PCCA: variants seen among roughly 807,000 people sequenced by gnomAD.
The protein encoded by PCCA is propionyl-CoA carboxylase alpha chain, mitochondrial.
PCCA carries 74 observed loss-of-function variants against 101.3 expected under a neutral mutation model. The ratio of observed to expected loss-of-function variants is 0.73; its 90% CI spans 0.61 to 0.89. The LOEUF is 0.89. Among genes scored for constraint, PCCA ranks in the 40% least tolerant of loss-of-function variants. PCCA has a pLI of 0.00. For synonymous variants in PCCA, 294 were observed against 313.6 expected (o/e 0.94, Z 0.66); for missense variants, 891 against 907.0 (o/e 0.98, Z 0.23).
At chr13:100,426,943 C>T (rs543959114) in intron 20 of PCCA, among the ~76,000 whole-genome samples, 5 of 152,260 alleles carry the variant, frequency 3.3e-5, no homozygotes, top group South Asian at 2.1e-4. Flanking sequence ...TGTCTGGGCA[C>T]GGTGGCTCAC....
intron 4 of PCCA, chr13:100,149,254 T>C (rs768440253): frequency 9.2e-5 from 14 of 152,032 alleles, no homozygotes; most frequent in Non-Finnish European, 1.6e-4. Context: ...TTCTTTCTTT[T>C]TTTTTTTGAG....
chr13:100,233,891 A>G (rs1301579829), intron 7 of PCCA, among the ~76,000 whole-genome samples: 1 of 152,234 alleles, frequency 6.6e-6, no homozygotes, highest in East Asian at 1.9e-4. Context: ...TTGCTGTGTC[A>G]GATATAGATA....
chr13:100,263,273 G>A (rs1424199154), intron 10 of PCCA, among the ~76,000 whole-genome samples: 1 of 152,028 alleles, frequency 6.6e-6, no homozygotes, highest in Non-Finnish European at 1.5e-5. Context: ...AAACAAAATG[G>A]GTTTTCTAAA....
At chr13:100,179,962 C>T (rs545970115) in intron 6 of PCCA, among the ~76,000 whole-genome samples, 2 of 152,140 alleles carry the variant, frequency 1.3e-5, no homozygotes, top group South Asian at 4.2e-4. Context: ...GAGAAAGGAA[C>T]TGGTGTGGCA....
At chr13:100,256,659 C>T (rs1401715926) in intron 8 of PCCA, among the ~76,000 whole-genome samples, 3 of 152,144 alleles carry the variant, frequency 2.0e-5, no homozygotes, top group Admixed American at 6.5e-5. Context: ...CTTCCCTTTT[C>T]CTCTAAGGAT....
chr13:100,190,964 G>T (rs1429139709), intron 6 of PCCA, among the ~76,000 whole-genome samples: 3 of 152,218 alleles, frequency 2.0e-5, no homozygotes, highest in East Asian at 1.9e-4. Context: ...AGGCATGGTG[G>T]TGTGCGCCTG....
intron 19 of PCCA, among the ~76,000 whole-genome samples, chr13:100,385,940 C>T (rs1218690072): frequency 6.6e-6 from 1 of 152,190 alleles, no homozygotes; most frequent in Non-Finnish European, 1.5e-5. Flanking sequence ...AACGTAAGCT[C>T]TCAAACGCTG....
chr13:100,204,717 G>T (rs771831532), intron 6 of PCCA, among the ~76,000 whole-genome samples: 11 of 151,724 alleles, frequency 7.3e-5, no homozygotes, highest in Non-Finnish European at 1.3e-4. Context: ...ATTAAAATTT[G>T]TCCAGAACCA....
intron 7 of PCCA, among the ~76,000 whole-genome samples, chr13:100,211,302 T>G (rs1400865826): frequency 2.0e-5 from 3 of 152,234 alleles, no homozygotes; most frequent in African/African-American, 7.2e-5. Context: ...GCCAAAGCTC[T>G]TAGAATTGTC....
chr13:100,484,352 A>G (rs1197544145), intron 21 of PCCA, among the ~76,000 whole-genome samples: 1 of 152,162 alleles, frequency 6.6e-6, no homozygotes, highest in African/African-American at 2.4e-5. Flanking sequence ...ACCCATCTTG[A>G]GGAAAATGCT....
In PCCA at chr13:100,322,217, G is replaced by T. The variant is rs545651386; in HGVS notation, c.1430-8344G>T. 3.3e-5 allele frequency among the ~76,000 whole-genome samples: 5 copies of T among 152,256 alleles called. No homozygotes were observed. In the South Asian group the frequency reaches 6.2e-4, roughly 19 times the overall value. ...CAAAGCTGAGTTTCTGCCATGTCAG[G>T]AAACCCACAGTAAGACGAGAAGAAA... is the stretch of plus-strand genomic sequence containing the variant. On this transcript the variant is annotated intron_variant, in intron 16 of 23. Transcript: ENST00000376285.
In PCCA at chr13:100,303,002, A is replaced by G; in HGVS notation, c.1284+4A>G. ...AGAACCGTTACATCTACCTGGTGTA[A>G]GTCATTAAGCTGTAATACCAGCTGA... On this transcript the variant is annotated splice_donor_region_variant and intron_variant, in intron 14 of 23. Transcript: ENST00000376285. The G allele has an allele frequency of 6.5e-7, 1 of 1,544,276 alleles. No individual in the cohort carries two copies. The highest frequency in any genetic ancestry group is 9.0e-7 in the Non-Finnish European group (1 of 1,116,438).
chr13:100,127,076 C>T (rs1028299355), intron 4 of PCCA, among the ~76,000 whole-genome samples: 1 of 152,064 alleles, frequency 6.6e-6, no homozygotes, highest in Non-Finnish European at 1.5e-5. Context: ...TTAAGCCACC[C>T]GGAGTTAAAG....
At chr13:100,163,438 A>G (rs1301273260) in intron 6 of PCCA, among the ~76,000 whole-genome samples, 1 of 152,102 alleles carries the variant, frequency 6.6e-6, no homozygotes, top group Non-Finnish European at 1.5e-5. Context: ...GTATTTCTCC[A>G]TCTGTGATTT....
At chr13:100,510,389 GCTAAATA>G (rs1180697385) in intron 21 of PCCA, among the ~76,000 whole-genome samples, 3 of 152,194 alleles carry the variant, frequency 2.0e-5, no homozygotes, top group Admixed American at 2.0e-4. Context: ...TAAAGGGTAT[GCTAAATA>G]CCCCAGTCAT....
chr13:100,239,973 G>GT, intron 8 of PCCA, among the ~76,000 whole-genome samples: 1 of 152,032 alleles, frequency 6.6e-6, no homozygotes, highest in East Asian at 1.9e-4. Flanking sequence ...TCATCCTGTT[G>GT]TAAATACATC....
At chr13:100,386,685 G>T (rs1356114000) in intron 19 of PCCA, among the ~76,000 whole-genome samples, 1 of 152,190 alleles carries the variant, frequency 6.6e-6, no homozygotes, top group Non-Finnish European at 1.5e-5. Flanking sequence ...CCAGCCCTGT[G>T]TGCTGCTTTA....
chr13:100,345,667 A>G (rs751129939), intron 18 of PCCA, among the ~76,000 whole-genome samples: 5 of 152,220 alleles, frequency 3.3e-5, no homozygotes, highest in Non-Finnish European at 7.3e-5. Context: ...CAGATTTTCA[A>G]TGTAGATAAG....
intron 6 of PCCA, among the ~76,000 whole-genome samples, chr13:100,195,650 G>C (rs2152455891): frequency 6.6e-6 from 1 of 152,234 alleles, no homozygotes; most frequent in South Asian, 2.1e-4. Context: ...ACATGATAAA[G>C]GAAATCTGTG....
Sources: allele counts gnomAD v4.1 joint callset (sites outside exome capture counted in the v4.1 genomes callset), GRCh38; gene constraint gnomAD v4.1.1; transcripts MANE v1.5; gene names NCBI Gene and HGNC (gene_info 2026-07-23, HGNC 2026-07-21).